Variants in ARHGAP15 observed in about 807,000 individuals in gnomAD.
The protein encoded by ARHGAP15 is Rho GTPase activating protein 15, also known as rho GTPase-activating protein 15.
A neutral mutation model predicts 63.7 loss-of-function variants in ARHGAP15; 51 were observed. That is an observed-to-expected ratio of 0.80 (90% confidence interval 0.64 to 1.01). The LOEUF (loss-of-function observed/expected upper bound fraction) is 1.01. Among genes scored for constraint, ARHGAP15 ranks in the 50% least tolerant of loss-of-function variants. ARHGAP15 has a pLI of 0.00. For missense variants in ARHGAP15, 560 were observed against 564.6 expected, an observed-to-expected ratio of 0.99 and a Z score of 0.08; for synonymous variants, 191 against 193.8, an observed-to-expected ratio of 0.99 and a Z score of 0.12.
intron 6 of ARHGAP15, among the ~76,000 whole-genome samples, chr2:143,382,099 TCCCTTTCCTTCCTTCCTC>T (rs1558933923): frequency 3.5e-5 from 1 of 28,640 alleles, no homozygotes; most frequent in Admixed American, 4.2e-4. Context: ...CCTTCCTCCC[TCCCTTTCCTTCCTTCCTC>T]CCTCCCTCCT....
intron 13 of ARHGAP15, among the ~76,000 whole-genome samples, chr2:143,764,394 C>T (rs1208011472): frequency 1.3e-5 from 2 of 152,098 alleles, no homozygotes; most frequent in African/African-American, 2.4e-5. Flanking sequence ...TATCTTCAAT[C>T]GTCTACTTTT....
chr2:143,198,698 G>T (rs6751487), intron 2 of ARHGAP15, among the ~76,000 whole-genome samples: 25,646 of 152,070 alleles, frequency 0.17, 2,348 homozygotes, highest in Middle Eastern at 0.24. Context: ...AGGCAAGTGG[G>T]TCTGTATGCC....
chr2:143,373,639 A>C (rs1409284730), intron 6 of ARHGAP15, among the ~76,000 whole-genome samples: 12 of 149,506 alleles, frequency 8.0e-5, no homozygotes, highest in East Asian at 2.0e-4. Context: ...CAAAAAAAAA[A>C]AAAAAAAAAA....
chr2:143,453,015 G>A (rs1260884744), intron 8 of ARHGAP15, among the ~76,000 whole-genome samples: 3 of 151,984 alleles, frequency 2.0e-5, no homozygotes, highest in East Asian at 1.9e-4. Context: ...CGGAAGCATG[G>A]TATAGATATG....
intron 9 of ARHGAP15, among the ~76,000 whole-genome samples, chr2:143,496,822 T>G (rs1692837336): frequency 6.6e-6 from 1 of 152,234 alleles, no homozygotes; most frequent in South Asian, 2.1e-4. Context: ...AAAACCCAGT[T>G]GATTCAGCCA....
At chr2:143,542,038 C>A (rs1280859585) in intron 10 of ARHGAP15, among the ~76,000 whole-genome samples, 2 of 152,212 alleles carry the variant, frequency 1.3e-5, no homozygotes, top group Non-Finnish European at 2.9e-5. Context: ...GTTCGAGGTT[C>A]CTGGCTGCTT....
At chr2:143,631,930 G>T (rs926826285) in intron 12 of ARHGAP15, among the ~76,000 whole-genome samples, 1 of 151,720 alleles carries the variant, frequency 6.6e-6, no homozygotes, top group Non-Finnish European at 1.5e-5. Flanking sequence ...TTAATCTTAG[G>T]CATTGCAGTT....
chr2:143,615,974 A>T (rs559306542), intron 11 of ARHGAP15, among the ~76,000 whole-genome samples: 1 of 152,306 alleles, frequency 6.6e-6, no homozygotes, highest in South Asian at 2.1e-4. Context: ...TGAGTAAGAA[A>T]GGAATTAAAG....
intron 6 of ARHGAP15, among the ~76,000 whole-genome samples, chr2:143,421,413 G>A (rs1265432234): frequency 6.6e-6 from 1 of 151,952 alleles, no homozygotes; most frequent in Non-Finnish European, 1.5e-5. Context: ...CAGGGAGGGT[G>A]CAGGGTGGGA....
intron 12 of ARHGAP15, among the ~76,000 whole-genome samples, chr2:143,644,988 C>T (rs577213550): frequency 2.6e-5 from 4 of 152,036 alleles, no homozygotes; most frequent in African/African-American, 9.7e-5. Flanking sequence ...ATAATTGCGA[C>T]ACCACTTCGT....
rs1368216740 is a variant in ARHGAP15 at position 143,703,547 on chromosome 2, T to C, written c.1244+23T>C. 2.6e-6 allele frequency: 4 copies of C among 1,558,330 alleles called. No homozygotes were observed. In the South Asian group the frequency reaches 3.5e-5, roughly 14 times the overall value. The stretch of plus-strand genomic sequence containing the variant: ...TAAGTAAGTTGTAAGGATTTCTGGA[T>C]GTGTCATTTTATAGTCATTTCCTAA... On this transcript the variant is annotated intron_variant, in intron 13 of 13. Transcript: ENST00000295095.
chr2:143,315,653 T>C (rs981840460), intron 6 of ARHGAP15, among the ~76,000 whole-genome samples: 6 of 152,252 alleles, frequency 3.9e-5, no homozygotes, highest in African/African-American at 1.4e-4. Context: ...ATAATACTAA[T>C]AACTATTACA....
At chr2:143,667,613 T>C (rs1477770920) in intron 12 of ARHGAP15, among the ~76,000 whole-genome samples, 1 of 147,406 alleles carries the variant, frequency 6.8e-6, no homozygotes, top group Non-Finnish European at 1.5e-5. Flanking sequence ...AGAAAAGAAG[T>C]GCTCAAGGGA....
intron 2 of ARHGAP15, among the ~76,000 whole-genome samples, chr2:143,193,160 T>C (rs1249284957): frequency 2.0e-5 from 3 of 152,132 alleles, no homozygotes; most frequent in Non-Finnish European, 4.4e-5. Context: ...ACAGATATTG[T>C]ACAAAGAAAA....
chr2:143,222,658 A>AGTTTTT (rs567656833), intron 4 of ARHGAP15, among the ~76,000 whole-genome samples: 1 of 151,290 alleles, frequency 6.6e-6, no homozygotes, highest in Admixed American at 6.6e-5. Flanking sequence ...GGCTTTGTTG[A>AGTTTTT]GTTTTTGTTT....
At chr2:143,162,098 A>C (rs1214883129) in intron 2 of ARHGAP15, 4 of 152,012 alleles carry the variant, frequency 2.6e-5, no homozygotes, top group Non-Finnish European at 4.4e-5. Context: ...GAAAGTGAGA[A>C]TATAGTTTTA....
At chr2:143,277,634 A>G (rs551489856) in intron 6 of ARHGAP15, among the ~76,000 whole-genome samples, 5 of 152,150 alleles carry the variant, frequency 3.3e-5, no homozygotes, top group Admixed American at 2.0e-4. Context: ...GATAATACCT[A>G]CATGGTGCAA....
rs1358130922 is a variant in ARHGAP15 at position 143,664,057 on chromosome 2, C to T, written c.1139-39362C>T. Among the ~76,000 whole-genome samples, 63 of 151,418 alleles carry T rather than the reference C, an allele frequency of 4.2e-4. No individual in the cohort carries two copies. In the East Asian group the frequency reaches 7.6e-3, roughly 18 times the overall value. ...GAATTGAACTCAGCTCTGCACCAAG[C>T]GGACCTAATAGACATCTACAGAACT... On this transcript the variant is annotated intron_variant, in intron 12 of 13. Transcript: ENST00000295095.
At chr2:143,513,846 G>T (rs1428169530) in intron 9 of ARHGAP15, among the ~76,000 whole-genome samples, 2 of 152,114 alleles carry the variant, frequency 1.3e-5, no homozygotes, top group Non-Finnish European at 2.9e-5. Flanking sequence ...GCCATGACAG[G>T]TTTATTGTCT....
Sources: gnomAD v4.1 joint callset for allele counts (sites outside exome capture counted in the v4.1 genomes callset) on GRCh38, gnomAD v4.1.1 for gene constraint, MANE v1.5 for transcripts, NCBI Gene and HGNC (gene_info 2026-07-23, HGNC 2026-07-21) for gene names.